The following ADAMTS20 variants were observed in gnomAD, a reference collection of about 807,000 sequenced individuals.
ADAMTS20 encodes the protein A disintegrin and metalloproteinase with thrombospondin motifs 20.
ADAMTS20 carries 225 observed loss-of-function variants against 260.1 expected under a neutral mutation model. That is an observed-to-expected ratio of 0.87 (90% CI 0.78 to 0.97). The LOEUF (loss-of-function observed/expected upper bound fraction) is 0.97. Ranked by LOEUF, ADAMTS20 falls within the 50% of genes least tolerant of loss-of-function variation. ADAMTS20 has a pLI of 0.00. For missense variants in ADAMTS20, 2,400 were observed against 2,337.7 expected, an observed-to-expected ratio of 1.03 and a Z score of -0.55; for synonymous variants, 802 against 769.5, an observed-to-expected ratio of 1.04 and a Z score of -0.70.
chr12:43,508,391 T>C (rs548160091), intron 3 of ADAMTS20, among the ~76,000 whole-genome samples: 1 of 152,164 alleles, frequency 6.6e-6, no homozygotes, highest in South Asian at 2.1e-4. Flanking sequence ...AGTTGCTAAG[T>C]AATGGAGGTA....
chr12:43,364,119 C>T (rs929794728), intron 37 of ADAMTS20, among the ~76,000 whole-genome samples: 1 of 152,036 alleles, frequency 6.6e-6, no homozygotes, highest in African/African-American at 2.4e-5. Context: ...ACTGTGCCCA[C>T]TGAGGAGTAA....
intron 29 of ADAMTS20, among the ~76,000 whole-genome samples, chr12:43,384,852 A>C (rs1940437124): frequency 6.6e-6 from 1 of 152,132 alleles, no homozygotes; most frequent in African/African-American, 2.4e-5. Flanking sequence ...TATCCAGTCT[A>C]TTCTTGATGG....
intron 28 of ADAMTS20, among the ~76,000 whole-genome samples, chr12:43,415,664 T>C (rs1263430380): frequency 6.6e-6 from 1 of 152,180 alleles, no homozygotes; most frequent in Non-Finnish European, 1.5e-5. Flanking sequence ...AAATGCTAAG[T>C]AACTTGGCAA....
chr12:43,436,019 C>T (rs1248617531), intron 18 of ADAMTS20, among the ~76,000 whole-genome samples: 2 of 152,008 alleles, frequency 1.3e-5, no homozygotes, highest in Admixed American at 1.3e-4. Context: ...ATCTCTGCTC[C>T]TTTCTCAATA....
In ADAMTS20 at chr12:43,446,803, A is replaced by G. The variant is rs535331070; in HGVS notation, c.2080-91T>C. The G allele has an allele frequency of 6.6e-5, 71 of 1,070,216 alleles. 2 individuals carry two copies. The South Asian group carries it at 9.0e-4, about 14-fold the overall frequency. The allele number at this position is 1,070,216 out of a possible 1,614,324, so 66.3% of individuals were successfully genotyped here. On this transcript the variant is annotated intron_variant, in intron 14 of 38. Transcript: ENST00000389420. ...AAATACATACAATCAGATATGACAAAGGGGATTTACCACTGACCCCACAGA... is the reference window on the plus strand; with the variant it reads ...AAATACATACAATCAGATATGACAAGGGGGATTTACCACTGACCCCACAGA...
intron 5 of ADAMTS20, 119 bp from the exon 6 acceptor site, chr12:43,492,748 A>G: frequency 2.7e-6 from 3 of 1,123,160 alleles, no homozygotes; most frequent in Non-Finnish European, 3.8e-6. Flanking sequence ...TGAAGGAGTG[A>G]CAGCATCTCT....
At chr12:43,422,386 A>G (rs1347144642) in intron 28 of ADAMTS20, among the ~76,000 whole-genome samples, 2 of 152,034 alleles carry the variant, frequency 1.3e-5, no homozygotes, top group Non-Finnish European at 2.9e-5. Context: ...ATATTAATCT[A>G]ATATGCTAAT....
chr12:43,467,276 T>G (rs1942171727), intron 8 of ADAMTS20, among the ~76,000 whole-genome samples: 1 of 152,044 alleles, frequency 6.6e-6, no homozygotes, highest in Non-Finnish European at 1.5e-5. Flanking sequence ...AAATACTATT[T>G]TAGGTCCATA....
intron 28 of ADAMTS20, among the ~76,000 whole-genome samples, chr12:43,411,416 G>A (rs959992311): frequency 3.0e-4 from 45 of 152,270 alleles, no homozygotes; most frequent in African/African-American, 1.0e-3. Context: ...TGCCCAGGCT[G>A]GAGTTCAATG....
intron 28 of ADAMTS20, among the ~76,000 whole-genome samples, chr12:43,409,390 C>T (rs1240282153): frequency 3.3e-5 from 5 of 151,534 alleles, no homozygotes; most frequent in Non-Finnish European, 7.4e-5. Flanking sequence ...ATCACGAGGT[C>T]AGGAGATCGA....
In ADAMTS20 at chr12:43,432,596, T is replaced by C. The variant is rs1245715736; in HGVS notation, c.2931+5A>G. 1 of 1,612,072 alleles carries C rather than the reference T, an allele frequency of 6.2e-7. No individual in the cohort carries two copies. The highest frequency in any genetic ancestry group is 8.5e-7 in the Non-Finnish European group (1 of 1,179,342). ...ACTTTTTTTAAGCAATCATTTTTATTGTACCTGAGACCATTCTGAATAATG... is the reference window on the plus strand; with the variant it reads ...ACTTTTTTTAAGCAATCATTTTTATCGTACCTGAGACCATTCTGAATAATG... On this transcript the variant is annotated splice_donor_5th_base_variant and intron_variant, in intron 20 of 38. Coordinates refer to ENST00000389420, the MANE Select transcript of ADAMTS20 (RefSeq NM_025003.5).
At chr12:43,370,360 A>T (rs1197243334) in intron 36 of ADAMTS20, among the ~76,000 whole-genome samples, 1 of 152,224 alleles carries the variant, frequency 6.6e-6, no homozygotes, top group African/African-American at 2.4e-5. Flanking sequence ...GTGGGAATAC[A>T]TACACCATGT....
chr12:43,472,382 G>A (rs1305052332), intron 7 of ADAMTS20, among the ~76,000 whole-genome samples: 4 of 146,722 alleles, frequency 2.7e-5, no homozygotes, highest in East Asian at 2.0e-4. Context: ...AAAGTGATGC[G>A]GAGAATGGAA....
chr12:43,541,011 A>G (rs1760348638), intron 2 of ADAMTS20, among the ~76,000 whole-genome samples: 1 of 152,182 alleles, frequency 6.6e-6, no homozygotes, highest in African/African-American at 2.4e-5. Flanking sequence ...AATACATAGC[A>G]AATACATGTA....
intron 28 of ADAMTS20, among the ~76,000 whole-genome samples, chr12:43,414,123 TA>T (rs1941086093): frequency 1.3e-5 from 2 of 152,298 alleles, no homozygotes; most frequent in African/African-American, 4.8e-5. Context: ...TAACATTTTT[TA>T]AAAGGAGAAA....
In ADAMTS20 at chr12:43,428,638, TG is replaced by T; in HGVS notation, c.3650del (p.Ser1217TyrfsTer19). ...PCGEWQAGDW[S>X]PCSASCGHGK... is the part of the protein sequence containing the mutation. ...TTTTTCTCATAAGAATACTTACGGG[TG>T]ACCAATCCCCTGCTTGCCACTCTCC... On this transcript the variant is annotated frameshift_variant, in exon 25 of 39. Transcript: ENST00000389420. LOFTEE classifies it high-confidence loss of function. 1 of 1,580,852 alleles carries T rather than the reference TG, an allele frequency of 6.3e-7. No individual in the cohort carries two copies. The highest frequency in any genetic ancestry group is 8.6e-7 in the Non-Finnish European group (1 of 1,162,918).
At chr12:43,533,240 T>C (rs972575158) in intron 2 of ADAMTS20, among the ~76,000 whole-genome samples, 2 of 135,504 alleles carry the variant, frequency 1.5e-5, no homozygotes, top group African/African-American at 2.7e-5. Context: ...TTTTAATGAT[T>C]GCCATTCTAA....
intron 37 of ADAMTS20, among the ~76,000 whole-genome samples, chr12:43,359,610 ATCCTAATCAAGACGTATGGTG>A (rs779407719): frequency 5.3e-5 from 8 of 152,222 alleles, no homozygotes; most frequent in Non-Finnish European, 1.0e-4. Context: ...TCGTAAAGCT[ATCCTAATCAAGACGTATGGTG>A]TTGGTGAAGA....
intron 27 of ADAMTS20, 120 bp downstream of exon 27, chr12:43,427,187 AC>A (rs1235981870): frequency 1.6e-6 from 2 of 1,228,212 alleles, no homozygotes; most frequent in Admixed American, 3.1e-5. Context: ...AACAAAAAAA[AC>A]AAAAATTCTT....
Sources: gnomAD v4.1 joint callset for allele counts (sites outside exome capture counted in the v4.1 genomes callset) on GRCh38, gnomAD v4.1.1 for gene constraint, MANE v1.5 for transcripts, NCBI Gene and HGNC (gene_info 2026-07-23, HGNC 2026-07-21) for gene names.